FADS2: variants seen among roughly 807,000 people sequenced by gnomAD.
FADS2 encodes the protein fatty acid desaturase 2.
A neutral mutation model predicts 61.2 loss-of-function variants in FADS2; 18 were observed. The observed-to-expected ratio is 0.29, with a 90% CI of 0.20 to 0.44. The LOEUF (loss-of-function observed/expected upper bound fraction) is 0.44. FADS2 is among the 20% of genes least tolerant of loss of function. The probability of loss-of-function intolerance (pLI) is 1.00; values close to 1 mark genes in which losing one functional copy is unlikely to be tolerated. For synonymous variants in FADS2, 203 were observed against 223.9 expected (o/e 0.91, Z 0.83); for missense variants, 322 against 572.7 (o/e 0.56, Z 4.47).
chr11:61,863,873 G>A (rs530680903), intron 10 of FADS2, 87 bp downstream of exon 10: 18 of 1,067,250 alleles, frequency 1.7e-5, no homozygotes, highest in Non-Finnish European at 2.3e-5. Context: ...AGAATGTGGG[G>A]GCCACCTCTT....
chr11:61,840,155 G>C (rs2067206379), intron 2 of FADS2, 179 bp from the exon 3 acceptor site: 6 of 626,490 alleles, frequency 9.6e-6, no homozygotes, highest in Non-Finnish European at 1.4e-5. Flanking sequence ...GGGCTGTGTG[G>C]GGCATGTGGT....
chr11:61,858,969 A>G (rs757030142), intron 7 of FADS2, among the ~76,000 whole-genome samples: 5 of 152,176 alleles, frequency 3.3e-5, no homozygotes, highest in Non-Finnish European at 7.3e-5. Context: ...TCAGCAGTCT[A>G]TTTGTCCCTC....
At chr11:61,837,663 C>T in intron 1 of FADS2, 115 bp from the exon 2 acceptor site, 1 of 708,236 alleles carries the variant, frequency 1.4e-6, no homozygotes, top group Non-Finnish European at 2.5e-6. Flanking sequence ...ACAGGAGACC[C>T]CGTTTGGTGT....
In FADS2 at chr11:61,816,801, CAGGCGCGTGCTCG is replaced by C. The variant is rs2066989404; in HGVS notation, c.141+376_141+388del. ...CGCGCGCCGGGCCAGCAGGGGCTGTCAGGCGCGTGCTCGGGGTCCGCGGGCTCCAGGAGTGGAT... is the reference window on the plus strand; with the variant it reads ...CGCGCGCCGGGCCAGCAGGGGCTGTCGGGTCCGCGGGCTCCAGGAGTGGAT... On this transcript the variant is annotated intron_variant, in intron 1 of 11. Transcript: ENST00000257261. This position sits in a 1 kb window ranked among gnomAD's most constrained non-coding sequence, Gnocchi z 7.0. 18 of 1,499,864 alleles carry C rather than the reference CAGGCGCGTGCTCG, an allele frequency of 1.2e-5. No individual in the cohort carries two copies. The highest frequency in any genetic ancestry group is 1.5e-5 in the Non-Finnish European group (17 of 1,133,934). 92.9% of individuals were successfully genotyped at this position (1,499,864 alleles called of 1,614,324 possible).
chr11:61,820,647 C>T (rs1468897064), intron 1 of FADS2, among the ~76,000 whole-genome samples: 2 of 152,142 alleles, frequency 1.3e-5, no homozygotes, highest in Non-Finnish European at 1.5e-5. Context: ...TGCCTGTAAT[C>T]CCTGCACTTT....
chr11:61,853,056 G>A (rs1022063555), intron 5 of FADS2, among the ~76,000 whole-genome samples: 3 of 152,186 alleles, frequency 2.0e-5, no homozygotes, highest in East Asian at 1.9e-4. Context: ...TCTGGAGGCT[G>A]AGGCAAGAGA....
chr11:61,816,701 A>G lies in FADS2; in HGVS notation c.141+275A>G. The stretch of plus-strand genomic sequence containing the variant: ...CGCTGGGCCACCTCGTCCCAGGTGA[A>G]GTAGCGCGGGGTAGGTCCCTGAGCC... On this transcript the variant is annotated intron_variant, in intron 1 of 11. Transcript: ENST00000257261. This position sits in a 1 kb window ranked among gnomAD's most constrained non-coding sequence, Gnocchi z 7.0. The G allele has an allele frequency of 6.3e-7, 1 of 1,580,252 alleles. No homozygotes were observed. The highest frequency in any genetic ancestry group is 8.6e-7 in the Non-Finnish European group (1 of 1,163,662).
Position 61,865,390 on chromosome 11 carries a change from C to A in FADS2, c.1283+113C>A. On this transcript the variant is annotated intron_variant, in intron 11 of 11. Transcript: ENST00000278840. The surrounding 1 kb of genome is among the most constrained non-coding windows in gnomAD (Gnocchi z 4.1). Reference sequence around the variant, plus strand: ...CACAGTCACCCACCAGGGCACCTGCCTTACTCCCGAGCCTGTGTTAGGAGC... The same window carrying A: ...CACAGTCACCCACCAGGGCACCTGCATTACTCCCGAGCCTGTGTTAGGAGC... 1 of 1,343,400 alleles carries A rather than the reference C, an allele frequency of 7.4e-7. No homozygotes were observed. Among genetic ancestry groups the A allele is most frequent in the Admixed American group, 2.2e-5 (1 of 44,906 alleles). 83.2% of individuals were successfully genotyped at this position (1,343,400 alleles called of 1,614,324 possible). A position where few individuals can be genotyped will look rare whatever the true frequency, so the allele number is the denominator to read the frequency against.
At chr11:61,862,909 C>A in intron 7 of FADS2, 63 bp from the exon 8 acceptor site, 1 of 1,313,306 alleles carries the variant, frequency 7.6e-7, no homozygotes, top group Non-Finnish European at 1.1e-6. Flanking sequence ...ACATCTGGGG[C>A]ACGCACTTGG....
rs928468362 is a variant in FADS2 at position 61,828,747 on chromosome 11, C to T, written c.207+150C>T. ...AAGTGCATCTATTGCACTCGTACCC[C>T]CTCCCCAATCCTCCTCCTCCTCTGG... On this transcript the variant is annotated intron_variant, in intron 1 of 11. Transcript: ENST00000278840. This position sits in a 1 kb window ranked among gnomAD's most constrained non-coding sequence, Gnocchi z 6.4. The T allele has an allele frequency of 3.1e-6, 2 of 653,120 alleles. No individual in the cohort carries two copies. The allele number at this position is 653,120 out of a possible 1,614,324, so 40.5% of individuals were successfully genotyped here. A position where few individuals can be genotyped will look rare whatever the true frequency, so the allele number is the denominator to read the frequency against.
chr11:61,844,129 T>C (rs1591171843), intron 4 of FADS2, among the ~76,000 whole-genome samples: 1 of 152,210 alleles, frequency 6.6e-6, no homozygotes, highest in Non-Finnish European at 1.5e-5. Context: ...TTCCAGAGGA[T>C]TAAAGTAGTT....
chr11:61,842,808 G>A (rs2067227350), intron 4 of FADS2, among the ~76,000 whole-genome samples: 1 of 152,250 alleles, frequency 6.6e-6, no homozygotes, highest in Non-Finnish European at 1.5e-5. Context: ...CAGCCATGGG[G>A]ACAAATCTTG....
chr11:61,861,002 C>T (rs950601501), intron 7 of FADS2, among the ~76,000 whole-genome samples: 24 of 151,756 alleles, frequency 1.6e-4, no homozygotes, highest in Admixed American at 1.4e-3. Flanking sequence ...CACAGGCATT[C>T]GAGACCAGCC....
At chr11:61,858,145 C>G (rs2067380003) in intron 7 of FADS2, among the ~76,000 whole-genome samples, 1 of 152,132 alleles carries the variant, frequency 6.6e-6, no homozygotes, top group South Asian at 2.1e-4. Flanking sequence ...ATATTTGTAT[C>G]TGTATCTGTG....
At position 61,865,163 on chromosome 11, in the gene FADS2, C is replaced by G. The variant is rs1313459653; in HGVS notation, c.1169C>G (p.Thr390Ser). ...NFQIEHHLFP[T>S]MPRHNLHKIA... is the part of the protein sequence containing the mutation. ...TACACACTCCTCAGCCTCTTCCCCA[C>G]CATGCCCCGGCACAACTTACACAAG... Residue 390 changes from threonine to serine, a missense_variant, in exon 11 of 12, where the codon ACC (threonine) becomes AGC (serine). Thr to Ser is a moderately conservative substitution (Grantham distance 58). Around this residue, in one of 3 missense-constraint regions of FADS2, gnomAD observed 221 missense variants for 427.9 expected, o/e 0.52. Transcript: ENST00000278840. This position sits in a 1 kb window ranked among gnomAD's most constrained non-coding sequence, Gnocchi z 4.1. 8.1e-6 allele frequency: 13 copies of G among 1,613,652 alleles called. No homozygotes were observed. Among genetic ancestry groups the G allele is most frequent in the Non-Finnish European group, 1.1e-5 (13 of 1,179,938 alleles).
At position 61,865,722 on chromosome 11, in the gene FADS2, G is replaced by A. The variant is rs1354284677; in HGVS notation, c.*33G>A. On this transcript the variant is annotated 3_prime_UTR_variant, in exon 12 of 12. Transcript: ENST00000278840. This position sits in a 1 kb window ranked among gnomAD's most constrained non-coding sequence, Gnocchi z 4.1. ...GCCCCCGGGACACCGTGGGGAAGGGGTGCAGGTGGGGTGATGGCCAGAGGA... is the reference window on the plus strand; with the variant it reads ...GCCCCCGGGACACCGTGGGGAAGGGATGCAGGTGGGGTGATGGCCAGAGGA... 3 of 1,588,374 alleles carry A rather than the reference G, an allele frequency of 1.9e-6. No homozygotes were observed. Among genetic ancestry groups the A allele is most frequent in the Non-Finnish European group, 2.6e-6 (3 of 1,161,652 alleles).
rs550169322 is a variant in FADS2, at chr11:61,846,131, C to CTT, written c.619-2011_619-2010dup. On this transcript the variant is annotated intron_variant, in intron 4 of 11. Transcript: ENST00000278840. ...CCTCTAAGCTTTCTTTCTTTCTTTT[C>CTT]TTTTTTTTTTTTTTTTTTGAGACAG... Among the ~76,000 whole-genome samples the CTT allele has an allele frequency of 0.016, 2,101 of 130,434 alleles. 418 individuals are homozygous for CTT. In the East Asian group the frequency reaches 0.41, roughly 25 times the overall value. The allele number at this position is 130,434 out of a possible 152,430, so 85.6% of individuals were successfully genotyped here. A position where few individuals can be genotyped will look rare whatever the true frequency, so the allele number is the denominator to read the frequency against.
intron 5 of FADS2, among the ~76,000 whole-genome samples, chr11:61,849,128 C>T (rs1220249799): frequency 2.0e-5 from 3 of 152,170 alleles, no homozygotes; most frequent in Non-Finnish European, 4.4e-5. Context: ...AACTCCTGAC[C>T]TCATGATCTG....
chr11:61,842,971 G>T (rs1461280095), intron 4 of FADS2, among the ~76,000 whole-genome samples: 1 of 152,244 alleles, frequency 6.6e-6, no homozygotes, highest in Non-Finnish European at 1.5e-5. Context: ...CCTTCTTCCT[G>T]TTGGCTGCAC....
Sources: allele counts gnomAD v4.1 joint callset (sites outside exome capture counted in the v4.1 genomes callset), GRCh38; gene constraint gnomAD v4.1.1; regional missense constraint gnomAD v4.1.1; non-coding constraint Gnocchi (gnomAD v3.1); transcripts MANE v1.5; gene names NCBI Gene and HGNC (gene_info 2026-07-23, HGNC 2026-07-21).